Variants in HMGN5 observed in about 807,000 individuals in gnomAD.
The protein encoded by HMGN5 is high mobility group nucleosome-binding domain-containing protein 5.
Under a neutral mutation model 9.5 loss-of-function variants are expected in HMGN5, and 4 were observed. The ratio of observed to expected loss-of-function variants is 0.42; its 90% CI spans 0.21 to 0.96. The LOEUF (loss-of-function observed/expected upper bound fraction) is 0.96, where lower values mean the gene tolerates loss of function less well. Ranked by LOEUF, HMGN5 falls within the 40% of genes least tolerant of loss-of-function variation. The pLI, the probability that HMGN5 is intolerant of heterozygous loss-of-function variation, is 0.30. For synonymous variants in HMGN5, 55 were observed against 57.1 expected, an observed-to-expected ratio of 0.96 and a Z score of 0.16; for missense variants, 192 against 187.5, an observed-to-expected ratio of 1.02 and a Z score of -0.14.
chrX:81,153,550 C>CCTCTCTCTCCCTCTCTCTCTCT (rs2075371877), intron 1 of HMGN5, among the ~76,000 whole-genome samples: 1 of 4,487 alleles, frequency 2.2e-4, no homozygotes, highest in Non-Finnish European at 3.8e-4. Context: ...CGAAACTCTG[C>CCTCTCTCTCCCTCTCTCTCTCT]CTCTCTCTCT....
intron 1 of HMGN5, among the ~76,000 whole-genome samples, chrX:81,140,702 C>A (rs988697032): frequency 9.0e-6 from 1 of 111,035 alleles, no homozygotes; most frequent in Non-Finnish European, 1.9e-5. Flanking sequence ...CTGAGACTTT[C>A]TGCCTTCAGG....
At chrX:81,125,736 A>G (rs2075281460) in intron 1 of HMGN5, among the ~76,000 whole-genome samples, 1 of 112,128 alleles carries the variant, frequency 8.9e-6, no homozygotes, top group Non-Finnish European at 1.9e-5. Context: ...TTAGGCTTTC[A>G]GACATTCAAG....
chrX:81,179,858 T>C (rs2075456054), intron 1 of HMGN5, among the ~76,000 whole-genome samples: 1 of 111,358 alleles, frequency 9.0e-6, no homozygotes, highest in African/African-American at 3.3e-5. Context: ...AGCAGATATA[T>C]ACACCAATGA....
intron 1 of HMGN5, among the ~76,000 whole-genome samples, chrX:81,179,860 C>A (rs995895584): frequency 9.0e-6 from 1 of 111,391 alleles, no homozygotes; most frequent in Non-Finnish European, 1.9e-5. Flanking sequence ...CAGATATATA[C>A]ACCAATGAAA....
chrX:81,193,864 AG>A (rs1343317082), intron 1 of HMGN5, among the ~76,000 whole-genome samples: 1 of 112,040 alleles, frequency 8.9e-6, no homozygotes, highest in Non-Finnish European at 1.9e-5. Flanking sequence ...GGCAATGAAT[AG>A]TCAGGACACT....
At chrX:81,142,140 T>A (rs1218407118) in intron 1 of HMGN5, among the ~76,000 whole-genome samples, 1 of 111,350 alleles carries the variant, frequency 9.0e-6, no homozygotes, top group Non-Finnish European at 1.9e-5. Flanking sequence ...GAGGACAGGG[T>A]ATTCAAAATT....
chrX:81,164,899 C>G (rs1436568901), intron 1 of HMGN5, among the ~76,000 whole-genome samples: 1 of 111,305 alleles, frequency 9.0e-6, no homozygotes, highest in South Asian at 3.8e-4. Context: ...ACTCACTAGA[C>G]TATAACCTCT....
At chrX:81,187,682 T>G (rs1430030390) in intron 1 of HMGN5, among the ~76,000 whole-genome samples, 1 of 112,071 alleles carries the variant, frequency 8.9e-6, no homozygotes, top group Non-Finnish European at 1.9e-5. Context: ...ACTTGAGCAT[T>G]TAGTTCATTT....
At chrX:81,185,993 A>C (rs1304617417) in intron 1 of HMGN5, among the ~76,000 whole-genome samples, 1 of 111,668 alleles carries the variant, frequency 9.0e-6, no homozygotes, top group African/African-American at 3.2e-5. Flanking sequence ...TGATATTTTT[A>C]ATGTGTGATT....
At chrX:81,119,127 CGAA>C (rs1214920052) in intron 3 of HMGN5, among the ~76,000 whole-genome samples, 1 of 111,330 alleles carries the variant, frequency 9.0e-6, no homozygotes, top group Non-Finnish European at 1.9e-5. Context: ...GTCTTAAATT[CGAA>C]GAAGCTTGCA....
At chrX:81,190,780 T>G (rs1460200525) in intron 1 of HMGN5, among the ~76,000 whole-genome samples, 4 of 110,931 alleles carry the variant, frequency 3.6e-5, no homozygotes, top group Non-Finnish European at 7.6e-5. Context: ...CTAGACTCAT[T>G]TTTTTTTACA....
At chrX:81,173,391 T>C (rs1369760157) in intron 1 of HMGN5, among the ~76,000 whole-genome samples, 1 of 111,328 alleles carries the variant, frequency 9.0e-6, no homozygotes, top group Non-Finnish European at 1.9e-5. Flanking sequence ...AGCCACAATA[T>C]TGAATAAAAG....
At chrX:81,129,574 T>C (rs1048618806) in intron 1 of HMGN5, among the ~76,000 whole-genome samples, 1 of 111,512 alleles carries the variant, frequency 9.0e-6, no homozygotes, top group Admixed American at 9.6e-5. Flanking sequence ...CTTCTGGTTG[T>C]GTTTTCCTTT....
At chrX:81,146,054 G>T (rs1194323515) in intron 1 of HMGN5, among the ~76,000 whole-genome samples, 1 of 110,906 alleles carries the variant, frequency 9.0e-6, no homozygotes, top group African/African-American at 3.3e-5. Context: ...ATAGTAGTGA[G>T]AGACTTTAAC....
chrX:81,200,618 A>T (rs935748240), intron 1 of HMGN5, among the ~76,000 whole-genome samples: 2 of 111,539 alleles, frequency 1.8e-5, no homozygotes, highest in African/African-American at 6.5e-5. Flanking sequence ...CAGAAAACCA[A>T]ACACCACATG....
rs778405659 is a variant in HMGN5 at position 81,121,557 on chromosome X, G to C, written c.-8C>G. ...TACCTTTCTTTTGGGCATTGTTGTA[G>C]CTCTCTATAGGAGATCTTAGTCAGC... On this transcript the variant is annotated 5_prime_UTR_variant, in exon 2 of 7. Coordinates refer to ENST00000358130, the MANE Select transcript of HMGN5 (RefSeq NM_030763.3). 2 of 1,194,453 alleles carry C rather than the reference G, an allele frequency of 1.7e-6. No homozygotes were observed. The highest frequency in any genetic ancestry group is 2.3e-6 in the Non-Finnish European group (2 of 886,004).
chrX:81,149,013 C>T (rs2075353462), intron 1 of HMGN5, among the ~76,000 whole-genome samples: 1 of 111,820 alleles, frequency 8.9e-6, no homozygotes, highest in Admixed American at 9.5e-5. Context: ...AATAGGAACA[C>T]TTTTACACTG....
intron 1 of HMGN5, among the ~76,000 whole-genome samples, chrX:81,128,440 A>G (rs1243316740): frequency 1.8e-5 from 2 of 111,441 alleles, no homozygotes; most frequent in Non-Finnish European, 3.8e-5. Context: ...AATATTTTTA[A>G]AAATATGCTC....
At chrX:81,173,685 CT>C (rs1053431639) in intron 1 of HMGN5, among the ~76,000 whole-genome samples, 5 of 111,579 alleles carry the variant, frequency 4.5e-5, no homozygotes, top group African/African-American at 1.6e-4. Context: ...GAGTACTATA[CT>C]TTTTGTTTCT....
Sources: gnomAD v4.1 joint callset for allele counts (sites outside exome capture counted in the v4.1 genomes callset) on GRCh38, gnomAD v4.1.1 for gene constraint, MANE v1.5 for transcripts, NCBI Gene and HGNC (gene_info 2026-07-23, HGNC 2026-07-21) for gene names.